DHX36: variants seen among roughly 807,000 people sequenced by gnomAD.
DHX36 encodes ATP-dependent DNA/RNA helicase DHX36.
A neutral mutation model predicts 139.0 loss-of-function variants in DHX36; 50 were observed. The ratio of observed to expected loss-of-function variants is 0.36; its 90% CI spans 0.29 to 0.46. DHX36 has a LOEUF of 0.46. DHX36 is among the 20% of genes least tolerant of loss of function. DHX36 has a pLI of 1.00. For missense variants in DHX36, 1,024 were observed against 1,211.3 expected (o/e 0.85, Z 2.29); for synonymous variants, 425 against 401.9 (o/e 1.06, Z -0.69).
intron 1 of DHX36, among the ~76,000 whole-genome samples, chr3:154,321,338 A>G (rs1181781662): frequency 1.3e-5 from 2 of 152,218 alleles, no homozygotes; most frequent in Non-Finnish European, 2.9e-5. Context: ...GTTATGGCAC[A>G]TGCTACTGCC....
At chr3:154,278,942 G>A (rs1212270193) in intron 22 of DHX36, 2 of 152,174 alleles carry the variant, frequency 1.3e-5, no homozygotes, top group African/African-American at 4.8e-5. Flanking sequence ...TAGAGCAGTA[G>A]AACTTCACAA....
At chr3:154,297,821 T>C (rs1021434021) in intron 12 of DHX36, among the ~76,000 whole-genome samples, 1 of 152,034 alleles carries the variant, frequency 6.6e-6, no homozygotes, top group Non-Finnish European at 1.5e-5. Flanking sequence ...TTGAAGACTA[T>C]ATAATTGGGA....
At position 154,275,126 on chromosome 3, in the gene DHX36, T is replaced by C. The variant is rs930727006; in HGVS notation, c.*1045A>G. 6.6e-6 allele frequency: 1 copy of C among 152,170 alleles called. No homozygotes were observed. Among genetic ancestry groups the C allele is most frequent in the African/African-American group, 2.4e-5 (1 of 41,418 alleles). 9.4% of individuals were successfully genotyped at this position (152,170 alleles called of 1,614,324 possible). A position where few individuals can be genotyped will look rare whatever the true frequency, so the allele number is the denominator to read the frequency against. On this transcript the variant is annotated 3_prime_UTR_variant, in exon 25 of 25. Transcript: ENST00000496811. ...ATGTACAGTTGTCCCTCAGTATCTG[T>C]GGGGGACTGGTTTCCAACCCCAACC... is the stretch of plus-strand genomic sequence containing the variant.
chr3:154,309,754 T>A lies in DHX36; in HGVS notation c.712A>T (p.Thr238Ser). The change falls in exon 5 of 25, where the codon ACT becomes TCT. Residue 238 changes from threonine (T) to serine (S), a missense_variant. Physicochemically the swap from Thr to Ser is moderately conservative, Grantham distance 58. This residue lies in a region of DHX36 where 146 missense variants were observed against 215.0 expected (regional missense o/e 0.68). Coordinates refer to ENST00000496811, the MANE Select transcript of DHX36 (RefSeq NM_020865.3). ...ISGETGCGKT[T>S]QVTQFILDNY... ...TCCAAAATGAACTGAGTAACTTGAG[T>A]GGTTTTGCCACAACCAGTTTCACCA... 1 of 1,612,790 alleles carries A rather than the reference T, an allele frequency of 6.2e-7. No homozygotes were observed. The highest frequency in any genetic ancestry group is 8.5e-7 in the Non-Finnish European group (1 of 1,179,406).
chr3:154,315,424 G>T, intron 2 of DHX36, 144 bp from the exon 3 acceptor site: 1 of 520,274 alleles, frequency 1.9e-6, no homozygotes, highest in Non-Finnish European at 3.3e-6. Flanking sequence ...CAGTAATTAT[G>T]AAAATATACT....
At chr3:154,295,194 TAAAA>T in intron 13 of DHX36, 86 bp downstream of exon 13, 1 of 761,974 alleles carries the variant, frequency 1.3e-6, no homozygotes, top group Non-Finnish European at 2.1e-6. Context: ...AAATACTCCT[TAAAA>T]AAAATAAAGG....
chr3:154,279,306 C>A (rs1719258281), intron 22 of DHX36: 1 of 152,106 alleles, frequency 6.6e-6, no homozygotes, highest in Admixed American at 6.6e-5. Context: ...AAGTTTTTGG[C>A]CTATAGGTCA....
intron 6 of DHX36, 178 bp from the exon 7 acceptor site, chr3:154,305,346 C>A: frequency 1.8e-6 from 1 of 551,574 alleles, no homozygotes. Context: ...ACTTCAAGTT[C>A]ATTATACATT....
At chr3:154,303,067 A>C (rs1416066687) in intron 9 of DHX36, among the ~76,000 whole-genome samples, 1 of 151,892 alleles carries the variant, frequency 6.6e-6, no homozygotes, top group Non-Finnish European at 1.5e-5. Context: ...ACAGAGAGAG[A>C]CTCTGTCTCA....
chr3:154,304,094 C>G (rs1712408631), intron 8 of DHX36, among the ~76,000 whole-genome samples: 1 of 152,118 alleles, frequency 6.6e-6, no homozygotes, highest in Non-Finnish European at 1.5e-5. Context: ...ACACCTACCC[C>G]AACTAATCTT....
intron 3 of DHX36, among the ~76,000 whole-genome samples, chr3:154,312,909 T>G (rs1257975855): frequency 1.1e-5 from 1 of 95,212 alleles, no homozygotes; most frequent in Non-Finnish European, 2.2e-5. Flanking sequence ...ATAAAATAAA[T>G]AAAGAACTGT....
At chr3:154,281,611 G>GA (rs1719339198) in intron 20 of DHX36, among the ~76,000 whole-genome samples, 1 of 152,008 alleles carries the variant, frequency 6.6e-6, no homozygotes, top group Non-Finnish European at 1.5e-5. Flanking sequence ...ATGACCAGAT[G>GA]AATCTTGTAT....
At chr3:154,310,601 TGAAAC>T (rs1257533944) in intron 4 of DHX36, among the ~76,000 whole-genome samples, 2 of 149,876 alleles carry the variant, frequency 1.3e-5, no homozygotes, top group Non-Finnish European at 3.0e-5. Context: ...GCCAACATGG[TGAAAC>T]CCCATCTCTA....
chr3:154,310,802 A>T (rs1712710298), intron 4 of DHX36, among the ~76,000 whole-genome samples: 5 of 40,112 alleles, frequency 1.2e-4, no homozygotes, highest in African/African-American at 5.3e-4. Flanking sequence ...AAAAAAAAAA[A>T]AAAAATATAT....
rs144193167 is a variant in DHX36, at chr3:154,282,532, C to CT, written c.2376+655dup. ...TTCTACTGAAACATGGCATTCCACTCTTTTTTTTTTCTTTTCCTTTCCTTC... is the reference window on the plus strand; with the variant it reads ...TTCTACTGAAACATGGCATTCCACTCTTTTTTTTTTTCTTTTCCTTTCCTTC... On this transcript the variant is annotated intron_variant, in intron 20 of 24. Coordinates refer to ENST00000496811, the MANE Select transcript of DHX36 (RefSeq NM_020865.3). Among the ~76,000 whole-genome samples, 497 of 149,540 alleles carry CT rather than the reference C, an allele frequency of 3.3e-3. 2 individuals are homozygous for CT. The highest frequency in any genetic ancestry group is 4.2e-3 in the Non-Finnish European group (281 of 67,150).
At chr3:154,299,752 C>G (rs1210095597) in intron 12 of DHX36, 86 bp downstream of exon 12, 11 of 962,658 alleles carry the variant, frequency 1.1e-5, no homozygotes, top group African/African-American at 9.7e-5. Flanking sequence ...AGAAGCAACA[C>G]TTCTTTGAAT....
chr3:154,273,848 G>A lies in DHX36; in HGVS notation c.*2323C>T, dbSNP rs890873759. ...CACATTAAAATTTGCATTCTTTGGA[G>A]TGCAGCAAGATGCTTTTCCTGTTTC... On this transcript the variant is annotated 3_prime_UTR_variant, in exon 25 of 25. Transcript: ENST00000496811. 1 of 152,180 alleles carries A rather than the reference G, an allele frequency of 6.6e-6. No homozygotes were observed. The highest frequency in any genetic ancestry group is 2.4e-5 in the African/African-American group (1 of 41,430). The allele number at this position is 152,180 out of a possible 1,614,324, so 9.4% of individuals were successfully genotyped here. A position where few individuals can be genotyped will look rare whatever the true frequency, so the allele number is the denominator to read the frequency against.
In DHX36 at chr3:154,306,263, T is replaced by C. The variant is rs376297342; in HGVS notation, c.846A>G (p.Glu282=). Residue 282 remains glutamate (E), a synonymous_variant, in exon 6 of 25, where the codon GAA becomes GAG. Coordinates refer to ENST00000496811, the MANE Select transcript of DHX36 (RefSeq NM_020865.3). ...CAGTACTATTACCACTGCCACAAGA[T>C]TCTGCCCTTTCTGCAGCTACTCTTT... ...VAERVAAERA[E]SCGSGNSTGY... The C allele has an allele frequency of 6.2e-7, 1 of 1,613,644 alleles. No individual in the cohort carries two copies. The highest frequency in any genetic ancestry group is 8.5e-7 in the Non-Finnish European group (1 of 1,179,872).
At chr3:154,280,511 T>A in intron 22 of DHX36, 68 bp downstream of exon 22, 2 of 1,114,436 alleles carry the variant, frequency 1.8e-6, no homozygotes, top group East Asian at 4.7e-5. Context: ...TAAGCCTTGT[T>A]ACATGAGCAG....
Sources: allele counts gnomAD v4.1 joint callset (sites outside exome capture counted in the v4.1 genomes callset), GRCh38; gene constraint gnomAD v4.1.1; regional missense constraint gnomAD v4.1.1; transcripts MANE v1.5; gene names NCBI Gene and HGNC (gene_info 2026-07-23, HGNC 2026-07-21).